Variants in UNC5B observed in about 807,000 individuals in gnomAD.
UNC5B encodes the protein unc-5 netrin receptor B.
Under a neutral mutation model 103.7 loss-of-function variants are expected in UNC5B, and 56 were observed. That is an observed-to-expected ratio of 0.54 (90% CI 0.44 to 0.67). The LOEUF is 0.67. Among genes scored for constraint, UNC5B ranks in the 30% least tolerant of loss-of-function variants. UNC5B has a pLI of 0.00. For synonymous variants in UNC5B, 577 were observed against 542.0 expected (o/e 1.06, Z -0.90); for missense variants, 1,194 against 1,284.5 (o/e 0.93, Z 1.08).
intron 1 of UNC5B, among the ~76,000 whole-genome samples, chr10:71,219,737 G>C (rs947220859): frequency 1.6e-4 from 25 of 152,366 alleles, no homozygotes; most frequent in Admixed American, 4.6e-4. Flanking sequence ...CTGTCTGTAA[G>C]TGTTGCTGAT....
At chr10:71,264,846 G>A (rs180962532) in intron 1 of UNC5B, among the ~76,000 whole-genome samples, 5 of 152,140 alleles carry the variant, frequency 3.3e-5, no homozygotes, top group Admixed American at 2.6e-4. Flanking sequence ...TAAAGAGGAT[G>A]GACTTGGCCG....
chr10:71,298,773 C>A (rs1845510452), intron 16 of UNC5B, among the ~76,000 whole-genome samples: 2 of 152,060 alleles, frequency 1.3e-5, no homozygotes. Flanking sequence ...GTCATTCTCT[C>A]TTGGGGCCAG....
At chr10:71,285,927 C>A (rs911474343) in intron 4 of UNC5B, among the ~76,000 whole-genome samples, 7 of 152,234 alleles carry the variant, frequency 4.6e-5, no homozygotes, top group African/African-American at 1.7e-4. Flanking sequence ...TGCATCTCAG[C>A]TTTGCCCAGC....
At chr10:71,253,127 C>T (rs1750299236) in intron 1 of UNC5B, among the ~76,000 whole-genome samples, 1 of 152,230 alleles carries the variant, frequency 6.6e-6, no homozygotes, top group African/African-American at 2.4e-5. Flanking sequence ...CACCTCCTCA[C>T]CTGTGGACTC....
chr10:71,253,503 A>G (rs1014184948), intron 1 of UNC5B, among the ~76,000 whole-genome samples: 1 of 152,214 alleles, frequency 6.6e-6, no homozygotes, highest in Non-Finnish European at 1.5e-5. Context: ...GGCCAGGCGC[A>G]TCTGATGTCA....
chr10:71,287,569 C>A, intron 5 of UNC5B, 29 bp from the exon 6 acceptor site: 1 of 1,567,712 alleles, frequency 6.4e-7, no homozygotes, highest in Non-Finnish European at 8.6e-7. Flanking sequence ...CAGAGCCAAG[C>A]CATCCAGTTG....
At chr10:71,294,082 A>G in intron 13 of UNC5B, 149 bp downstream of exon 13, 1 of 730,980 alleles carries the variant, frequency 1.4e-6, no homozygotes, top group Non-Finnish European at 2.2e-6. Context: ...TCACACACTG[A>G]AACAGCCTTG....
At chr10:71,281,779 A>G (rs1385846295) in intron 2 of UNC5B, among the ~76,000 whole-genome samples, 1 of 152,252 alleles carries the variant, frequency 6.6e-6, no homozygotes, top group Non-Finnish European at 1.5e-5. Context: ...AGTTGACTGA[A>G]GGTCCTGGTG....
intron 1 of UNC5B, among the ~76,000 whole-genome samples, chr10:71,271,431 C>T (rs574471880): frequency 5.3e-5 from 8 of 152,292 alleles, no homozygotes; most frequent in African/African-American, 1.7e-4. Context: ...ACAGAATATC[C>T]CCTCCTCAGG....
At chr10:71,242,749 G>A (rs976963538) in intron 1 of UNC5B, among the ~76,000 whole-genome samples, 1 of 152,184 alleles carries the variant, frequency 6.6e-6, no homozygotes, top group Non-Finnish European at 1.5e-5. Context: ...GCTCTTGGTC[G>A]GCGGCCCCCA....
chr10:71,251,758 C>T (rs141483769), intron 1 of UNC5B, among the ~76,000 whole-genome samples: 2 of 152,214 alleles, frequency 1.3e-5, no homozygotes, highest in African/African-American at 4.8e-5. Context: ...GATAATTCCT[C>T]TCCTGTGAGA....
At chr10:71,289,126 T>TGCAGTGTCAGGTGTA in intron 8 of UNC5B, 136 bp downstream of exon 8, 2 of 1,132,876 alleles carry the variant, frequency 1.8e-6, no homozygotes, top group Non-Finnish European at 2.6e-6. Context: ...CATCTACACC[T>TGCAGTGTCAGGTGTA]GACACTGCAT....
Position 71,302,175 on chromosome 10 carries a change from C to T in UNC5B, c.*2898C>T, listed in dbSNP as rs565778770. On this transcript the variant is annotated 3_prime_UTR_variant, in exon 17 of 17. Coordinates refer to ENST00000335350, the MANE Select transcript of UNC5B (RefSeq NM_170744.5). Reference sequence around the variant, plus strand: ...TCCAATTCAGACCCAAGAGGTAGCCCCCGAGGGCATGTACCTGGTGGGAAG... The same window carrying T: ...TCCAATTCAGACCCAAGAGGTAGCCTCCGAGGGCATGTACCTGGTGGGAAG... 6.6e-6 allele frequency: 1 copy of T among 152,344 alleles called. No individual in the cohort carries two copies. Among genetic ancestry groups the T allele is most frequent in the Non-Finnish European group, 1.5e-5 (1 of 68,054 alleles). The allele number at this position is 152,344 out of a possible 1,614,324, so 9.4% of individuals were successfully genotyped here. A position where few individuals can be genotyped will look rare whatever the true frequency, so the allele number is the denominator to read the frequency against.
chr10:71,285,534 C>A, intron 4 of UNC5B, 105 bp downstream of exon 4: 1 of 983,160 alleles, frequency 1.0e-6, no homozygotes. Flanking sequence ...TCTCCCAGAG[C>A]CCTGCCCCTT....
At chr10:71,278,273 G>T (rs1190139320) in intron 1 of UNC5B, among the ~76,000 whole-genome samples, 1 of 152,200 alleles carries the variant, frequency 6.6e-6, no homozygotes, top group Non-Finnish European at 1.5e-5. Flanking sequence ...CTGTGTGCCA[G>T]GCACCGCCTA....
intron 1 of UNC5B, among the ~76,000 whole-genome samples, chr10:71,276,180 TA>T (rs11346265): frequency 0.71 from 108,099 of 151,864 alleles, 39,532 homozygotes; most frequent in Non-Finnish European, 0.79. Flanking sequence ...TGGGATAGCT[TA>T]AAAAAAATTA....
intron 1 of UNC5B, among the ~76,000 whole-genome samples, chr10:71,230,736 T>C (rs1843665951): frequency 6.6e-6 from 1 of 152,246 alleles, no homozygotes; most frequent in South Asian, 2.1e-4. Context: ...CACCATTCTG[T>C]CTGGCCTTTC....
chr10:71,239,849 A>G (rs1343856719), intron 1 of UNC5B, among the ~76,000 whole-genome samples: 3 of 152,188 alleles, frequency 2.0e-5, no homozygotes, highest in African/African-American at 7.2e-5. Flanking sequence ...GCATGTGAGC[A>G]CACACACATC....
intron 1 of UNC5B, among the ~76,000 whole-genome samples, chr10:71,261,293 C>T (rs962762332): frequency 2.0e-5 from 3 of 152,156 alleles, no homozygotes; most frequent in African/African-American, 7.2e-5. Flanking sequence ...GAGTATAGTC[C>T]TGTGCTGAGA....
Sources: gnomAD v4.1 joint callset for allele counts (sites outside exome capture counted in the v4.1 genomes callset) on GRCh38, gnomAD v4.1.1 for gene constraint, MANE v1.5 for transcripts, NCBI Gene and HGNC (gene_info 2026-07-23, HGNC 2026-07-21) for gene names.